The following HEPACAM2 variants were observed in gnomAD, a reference collection of about 807,000 sequenced individuals.
The protein encoded by HEPACAM2 is HEPACAM family member 2, also known as mitotic kinetics regulator.
HEPACAM2 carries 49 observed loss-of-function variants against 49.6 expected under a neutral mutation model. That is an observed-to-expected ratio of 0.99 (90% CI 0.78 to 1.25). The LOEUF is 1.25. Among genes scored for constraint, HEPACAM2 ranks in the 50% most tolerant of loss-of-function variants. HEPACAM2 has a pLI of 0.00. For missense variants in HEPACAM2, 525 were observed against 557.2 expected, an observed-to-expected ratio of 0.94 and a Z score of 0.58; for synonymous variants, 197 against 202.9, an observed-to-expected ratio of 0.97 and a Z score of 0.25.
At chr7:93,214,571 C>A (rs1307567691) in intron 3 of HEPACAM2, among the ~76,000 whole-genome samples, 1 of 152,090 alleles carries the variant, frequency 6.6e-6, no homozygotes, top group African/African-American at 2.4e-5. Flanking sequence ...AAAGTGTGAA[C>A]TTACTCAAAT....
chr7:93,228,621 C>T (rs1794580215), upstream of HEPACAM2, among the ~76,000 whole-genome samples: 1 of 152,178 alleles, frequency 6.6e-6, no homozygotes, highest in South Asian at 2.1e-4. Context: ...CACATCACAC[C>T]TGTAACCCAC....
intron 1 of HEPACAM2, chr7:93,226,061 A>C (rs1442398900): frequency 5.4e-6 from 3 of 557,922 alleles, no homozygotes; most frequent in Non-Finnish European, 9.3e-6. Context: ...ATTAAAGACT[A>C]TTGAACCTAT....
At chr7:93,195,800 C>T (rs747823985) in intron 8 of HEPACAM2, 28 bp downstream of exon 8, 38 of 1,555,374 alleles carry the variant, frequency 2.4e-5, no homozygotes, top group East Asian at 4.5e-5. Flanking sequence ...TTCTACTTCT[C>T]GGTTAATCAG....
chr7:93,226,981 C>T (rs550419197), upstream of HEPACAM2, among the ~76,000 whole-genome samples: 6 of 152,222 alleles, frequency 3.9e-5, no homozygotes, highest in East Asian at 3.9e-4. Flanking sequence ...ATATTTAAAA[C>T]GTATTTTTTC....
At chr7:93,192,191 G>A in intron 9 of HEPACAM2, 63 bp downstream of exon 9, 1 of 1,219,240 alleles carries the variant, frequency 8.2e-7, no homozygotes, top group Non-Finnish European at 1.2e-6. Flanking sequence ...ATCAGTTCTG[G>A]GGAAAGCAAA....
At chr7:93,219,631 C>A in intron 1 of HEPACAM2, 180 bp from the exon 2 acceptor site, 1 of 1,185,430 alleles carries the variant, frequency 8.4e-7, no homozygotes, top group Non-Finnish European at 1.1e-6. Context: ...AAACCTTCTG[C>A]ACTTAAAAAA....
intron 2 of HEPACAM2, among the ~76,000 whole-genome samples, chr7:93,217,086 T>G (rs901732463): frequency 6.6e-6 from 1 of 152,206 alleles, no homozygotes; most frequent in African/African-American, 2.4e-5. Context: ...AATTTAATCC[T>G]TCATCTTCCC....
chr7:93,222,152 C>T (rs1169755196), intron 1 of HEPACAM2, among the ~76,000 whole-genome samples: 1 of 152,048 alleles, frequency 6.6e-6, no homozygotes, highest in East Asian at 1.9e-4. Flanking sequence ...CTCTTAAAGT[C>T]ATAGGTTTAG....
At position 93,208,653 on chromosome 7, in the gene HEPACAM2, A is replaced by G. The variant is rs752583761; in HGVS notation, c.939T>C (p.Tyr313=). The change falls in exon 4 of 10, where the codon TAT becomes TAC. Residue 313 remains tyrosine (Y), a synonymous_variant. Coordinates refer to ENST00000394468, the MANE Select transcript of HEPACAM2 (RefSeq NM_001039372.4). Reference sequence around the variant, plus strand: ...TTATGTTGTTGTAAGCACAGCACACATAGTCCATTGTCTTCTGGGCTACTT... The same window carrying G: ...TTATGTTGTTGTAAGCACAGCACACGTAGTCCATTGTCTTCTGGGCTACTT... ...SEKVAQKTMD[Y]VCCAYNNITG... is the part of the protein sequence containing the mutation. The G allele has an allele frequency of 1.9e-6, 3 of 1,613,146 alleles. No individual in the cohort carries two copies. The highest frequency in any genetic ancestry group is 2.5e-6 in the Non-Finnish European group (3 of 1,179,442).
intron 3 of HEPACAM2, among the ~76,000 whole-genome samples, chr7:93,210,548 A>G (rs758000847): frequency 2.2e-4 from 34 of 152,016 alleles, no homozygotes; most frequent in Non-Finnish European, 4.1e-4. Context: ...ATTAATATTA[A>G]TTCTGTAATC....
chr7:93,199,860 TTCATTA>T (rs1435276265), intron 4 of HEPACAM2, among the ~76,000 whole-genome samples: 2 of 152,040 alleles, frequency 1.3e-5, no homozygotes, highest in South Asian at 2.1e-4. Flanking sequence ...ACATAGTAAT[TTCATTA>T]TCATTAAGTC....
At chr7:93,227,684 T>A (rs894348692), upstream of HEPACAM2, among the ~76,000 whole-genome samples, 2 of 152,184 alleles carry the variant, frequency 1.3e-5, no homozygotes, top group African/African-American at 4.8e-5. Context: ...GAGCTCCTCA[T>A]GCTTCCCCCA....
chr7:93,220,683 GC>G (rs1794431723), intron 1 of HEPACAM2, among the ~76,000 whole-genome samples: 2 of 152,232 alleles, frequency 1.3e-5, no homozygotes, highest in Non-Finnish European at 2.9e-5. Flanking sequence ...CCAGTGGATA[GC>G]CCTGGGCAGT....
intron 2 of HEPACAM2, among the ~76,000 whole-genome samples, chr7:93,216,985 G>A (rs1308908440): frequency 5.3e-5 from 8 of 152,152 alleles, no homozygotes; most frequent in Non-Finnish European, 8.8e-5. Flanking sequence ...ATAAGAGAAA[G>A]GAAGTCGAAA....
At chr7:93,223,579 T>C (rs1015098123) in intron 1 of HEPACAM2, among the ~76,000 whole-genome samples, 2 of 152,162 alleles carry the variant, frequency 1.3e-5, no homozygotes, top group Non-Finnish European at 2.9e-5. Flanking sequence ...AATAATATAT[T>C]GCCATCAATA....
At chr7:93,210,881 T>C (rs78372172) in intron 3 of HEPACAM2, among the ~76,000 whole-genome samples, 4,832 of 152,054 alleles carry the variant, frequency 0.032, 101 homozygotes, top group African/African-American at 0.062. Flanking sequence ...CCTTTTAATA[T>C]AAAAAGACAG....
At chr7:93,206,822 G>T (rs981533501) in intron 4 of HEPACAM2, among the ~76,000 whole-genome samples, 5 of 151,884 alleles carry the variant, frequency 3.3e-5, no homozygotes, top group Non-Finnish European at 7.4e-5. Flanking sequence ...TTTCCTCCTG[G>T]TACCAAGGAG....
At chr7:93,195,276 G>A (rs1029589512) in intron 8 of HEPACAM2, among the ~76,000 whole-genome samples, 1 of 152,096 alleles carries the variant, frequency 6.6e-6, no homozygotes, top group Non-Finnish European at 1.5e-5. Flanking sequence ...TGCCCAGGCT[G>A]GAGTGCGGTA....
At chr7:93,219,641 A>T in intron 1 of HEPACAM2, 190 bp from the exon 2 acceptor site, 1 of 1,013,296 alleles carries the variant, frequency 9.9e-7, no homozygotes, top group Non-Finnish European at 1.4e-6. Context: ...CACTTAAAAA[A>T]CTCCACCCAA....
Sources: gnomAD v4.1 joint callset for allele counts (sites outside exome capture counted in the v4.1 genomes callset) on GRCh38, gnomAD v4.1.1 for gene constraint, MANE v1.5 for transcripts, NCBI Gene and HGNC (gene_info 2026-07-23, HGNC 2026-07-21) for gene names.